The following PROKR1 variants were observed in gnomAD, a reference collection of about 807,000 sequenced individuals.
PROKR1 encodes the protein G protein-coupled receptor 73.
In PROKR1, 21 loss-of-function variants were observed where a neutral mutation model predicts 22.8. That is an observed-to-expected ratio of 0.92 (90% CI 0.65 to 1.32). PROKR1 has a LOEUF of 1.32. Among genes scored for constraint, PROKR1 ranks in the 40% most tolerant of loss-of-function variants. The pLI is 0.00. For synonymous variants in PROKR1, 193 were observed against 207.5 expected, an observed-to-expected ratio of 0.93 and a Z score of 0.60; for missense variants, 548 against 514.2, an observed-to-expected ratio of 1.07 and a Z score of -0.64.
At chr2:68,647,064 A>C (rs945038746) in intron 2 of PROKR1, among the ~76,000 whole-genome samples, 2 of 151,916 alleles carry the variant, frequency 1.3e-5, no homozygotes, top group African/African-American at 4.8e-5. Flanking sequence ...ATAAATAAAT[A>C]AATAAAAATA....
Position 68,654,901 on chromosome 2 carries a change from G to T in PROKR1, c.507G>T (p.Pro169=), listed in dbSNP as rs753964952. ...CTAGGTATCTGGCTATTGTCCATCC[G>T]CTGAGACCACGGATGAAGTGCCAAA... The part of the protein sequence containing the change: ...AIDRYLAIVH[P]LRPRMKCQTA... Residue 169 remains proline (P), a synonymous_variant, in exon 3 of 3, where the codon CCG becomes CCT. Transcript: ENST00000303786. 1.9e-6 allele frequency: 3 copies of T among 1,612,810 alleles called. No individual in the cohort carries two copies. The highest frequency in any genetic ancestry group is 2.7e-5 in the African/African-American group (2 of 74,716).
In PROKR1 at chr2:68,655,619, T is replaced by C. The variant is rs1673438617; in HGVS notation, c.*43T>C. 1.3e-6 allele frequency: 2 copies of C among 1,571,938 alleles called. No homozygotes were observed. The highest frequency in any genetic ancestry group is 1.7e-6 in the Non-Finnish European group (2 of 1,147,440). On this transcript the variant is annotated 3_prime_UTR_variant, in exon 3 of 3. Transcript: ENST00000303786. ...AGTTTAAACACAAAGCAGGGTCCTGTGGACACTGACTAGTGTGCTTGGATG... is the reference window on the plus strand; with the variant it reads ...AGTTTAAACACAAAGCAGGGTCCTGCGGACACTGACTAGTGTGCTTGGATG...
At position 68,653,808 on chromosome 2, in the gene PROKR1, T is replaced by C. The variant is rs1388901692; in HGVS notation, c.486-1072T>C. Reference sequence around the variant, plus strand: ...AGAAAGTGCTCTCTCTTTGTGTTCCTGGACCACTGTGGTAACAGCAATGTG... The same window carrying C: ...AGAAAGTGCTCTCTCTTTGTGTTCCCGGACCACTGTGGTAACAGCAATGTG... On this transcript the variant is annotated intron_variant, in intron 2 of 2. Coordinates refer to ENST00000303786, the MANE Select transcript of PROKR1 (RefSeq NM_138964.4). Among the ~76,000 whole-genome samples, 7 of 152,054 alleles carry C rather than the reference T, an allele frequency of 4.6e-5. No homozygotes were observed. In the East Asian group the frequency reaches 1.2e-3, roughly 25 times the overall value.
At chr2:68,652,082 T>C (rs2104190021) in intron 2 of PROKR1, among the ~76,000 whole-genome samples, 1 of 152,186 alleles carries the variant, frequency 6.6e-6, no homozygotes, top group South Asian at 2.1e-4. Flanking sequence ...AGGGGGTAAA[T>C]AGCATTCAGA....
intron 1 of PROKR1, among the ~76,000 whole-genome samples, chr2:68,644,616 G>A (rs114078464): frequency 0.011 from 1,708 of 152,242 alleles, 37 homozygotes; most frequent in African/African-American, 0.039. Context: ...GGGGTCCTGG[G>A]CATCTTCCTC....
chr2:68,646,915 G>T (rs377385595), intron 2 of PROKR1, among the ~76,000 whole-genome samples: 1 of 152,144 alleles, frequency 6.6e-6, no homozygotes, highest in East Asian at 1.9e-4. Flanking sequence ...GAGCGTGGTG[G>T]TGTGTGCCTG....
In PROKR1 at chr2:68,645,760, A is replaced by G. The variant is rs558886495; in HGVS notation, c.-62A>G. 1.1e-5 allele frequency: 18 copies of G among 1,613,116 alleles called. No individual in the cohort carries two copies. The East Asian group carries it at 3.6e-4, about 32-fold the overall frequency. ...GCTGATAGCAGAGAGGGGTGACATC[A>G]GCCTTGCAGACATTGCCCTGGGGAA... On this transcript the variant is annotated 5_prime_UTR_variant, in exon 2 of 3. Coordinates refer to ENST00000303786, the MANE Select transcript of PROKR1 (RefSeq NM_138964.4).
At chr2:68,653,337 T>C (rs1673375672) in intron 2 of PROKR1, among the ~76,000 whole-genome samples, 1 of 151,968 alleles carries the variant, frequency 6.6e-6, no homozygotes, top group Non-Finnish European at 1.5e-5. Flanking sequence ...AGCTGGAGCC[T>C]CACTCCTGTG....
In PROKR1 at chr2:68,654,971, A is replaced by G. The variant is rs747808824; in HGVS notation, c.577A>G (p.Ile193Val). ...IALVWTVSIL[I>V]AIPSAYFTTE... Reference sequence around the variant, plus strand: ...CTTGGTGTGGACGGTGTCCATCCTGATCGCCATCCCTTCCGCCTACTTCAC... The same window carrying G: ...CTTGGTGTGGACGGTGTCCATCCTGGTCGCCATCCCTTCCGCCTACTTCAC... Residue 193 changes from isoleucine to valine, a missense_variant, in exon 3 of 3, where the codon ATC becomes GTC. Ile to Val is a conservative substitution (Grantham distance 29, BLOSUM62 3). Transcript: ENST00000303786. 2 of 1,613,440 alleles carry G rather than the reference A, an allele frequency of 1.2e-6. No homozygotes were observed. The highest frequency in any genetic ancestry group is 1.7e-6 in the Non-Finnish European group (2 of 1,179,942).
intron 1 of PROKR1, among the ~76,000 whole-genome samples, chr2:68,644,559 T>C (rs1255832177): frequency 6.6e-6 from 1 of 152,158 alleles, no homozygotes; most frequent in Non-Finnish European, 1.5e-5. Flanking sequence ...CCAGATGTTT[T>C]GCCTCGGAGG....
rs1398515478 is a variant in PROKR1 at position 68,654,890 on chromosome 2, A to G, written c.496A>G (p.Ile166Val). The G allele has an allele frequency of 1.2e-6, 2 of 1,611,518 alleles. No homozygotes were observed. The highest frequency in any genetic ancestry group is 3.3e-5 in the Admixed American group (2 of 59,846). Reference protein sequence around the residue: ...LAIAIDRYLAIVHPLRPRMKC... With the variant: ...LAIAIDRYLAVVHPLRPRMKC... ...GTGTTCTTGCCCTAGGTATCTGGCTATTGTCCATCCGCTGAGACCACGGAT... is the reference window on the plus strand; with the variant it reads ...GTGTTCTTGCCCTAGGTATCTGGCTGTTGTCCATCCGCTGAGACCACGGAT... The change falls in exon 3 of 3, where the codon ATT (isoleucine) becomes GTT (valine). Residue 166 changes from isoleucine (I) to valine (V), a missense_variant. Transcript: ENST00000303786.
chr2:68,658,080 CTTTT>C lies in PROKR1; in HGVS notation c.*2506_*2509del, dbSNP rs1197027327. On this transcript the variant is annotated 3_prime_UTR_variant, in exon 3 of 3. Coordinates refer to ENST00000303786, the MANE Select transcript of PROKR1 (RefSeq NM_138964.4). The stretch of plus-strand genomic sequence containing the variant: ...AAGAGTTGATTGTATTAAACAGGAG[CTTTT>C]TATATGCGGCAACCAAAGCCCACTC... The C allele has an allele frequency of 6.6e-6, 1 of 152,154 alleles. No homozygotes were observed. The highest frequency in any genetic ancestry group is 1.5e-5 in the Non-Finnish European group (1 of 68,022). 9.4% of individuals were successfully genotyped at this position (152,154 alleles called of 1,614,324 possible). A position where few individuals can be genotyped will look rare whatever the true frequency, so the allele number is the denominator to read the frequency against.
chr2:68,643,899 C>A (rs1321246047), intron 1 of PROKR1, 51 bp downstream of exon 1: 3 of 152,384 alleles, frequency 2.0e-5, no homozygotes, highest in Non-Finnish European at 4.4e-5. Flanking sequence ...CCGCGCTGCA[C>A]TGGCTGCGGC....
chr2:68,656,591 A>G lies in PROKR1; in HGVS notation c.*1015A>G, dbSNP rs774879760. 3 of 152,104 alleles carry G rather than the reference A, an allele frequency of 2.0e-5. No homozygotes were observed. The highest frequency in any genetic ancestry group is 4.4e-5 in the Non-Finnish European group (3 of 68,016). The allele number at this position is 152,104 out of a possible 1,614,324, so 9.4% of individuals were successfully genotyped here. A position where few individuals can be genotyped will look rare whatever the true frequency, so the allele number is the denominator to read the frequency against. The stretch of plus-strand genomic sequence containing the variant: ...CATAGAATCTTTGAAAATGGACACA[A>G]TACCTCCTGGATGTGGCCTTCATTC... On this transcript the variant is annotated 3_prime_UTR_variant, in exon 3 of 3. Coordinates refer to ENST00000303786, the MANE Select transcript of PROKR1 (RefSeq NM_138964.4).
intron 2 of PROKR1, among the ~76,000 whole-genome samples, chr2:68,654,668 T>C (rs1450707668): frequency 1.3e-5 from 2 of 151,972 alleles, no homozygotes; most frequent in Admixed American, 1.3e-4. Flanking sequence ...TGTGGTGCAT[T>C]GCACCTCTAG....
rs1406494843 is a variant in PROKR1, at chr2:68,645,830, C to T, written c.9C>T (p.Thr3=). The change falls in exon 2 of 3, where the codon ACC becomes ACT. Residue 3 remains threonine, a synonymous_variant. Coordinates refer to ENST00000303786, the MANE Select transcript of PROKR1 (RefSeq NM_138964.4). ...CAGCACCACCTGGCCAGATGGAGAC[C>T]ACCATGGGGTTCATGGATGACAATG... The part of the protein sequence containing the change: ME[T]TMGFMDDNAT... 1 of 1,614,082 alleles carries T rather than the reference C, an allele frequency of 6.2e-7. No individual in the cohort carries two copies. The highest frequency in any genetic ancestry group is 8.5e-7 in the Non-Finnish European group (1 of 1,180,044).
chr2:68,645,419 T>G (rs1377887966), intron 1 of PROKR1, among the ~76,000 whole-genome samples: 2 of 152,240 alleles, frequency 1.3e-5, no homozygotes, highest in Non-Finnish European at 2.9e-5. Flanking sequence ...GCAACACTTC[T>G]GAGTCTTCAG....
chr2:68,657,709 T>G lies in PROKR1; in HGVS notation c.*2133T>G, dbSNP rs943833402. ...TACAAGGTTATTTAAGTGGCACCTG[T>G]ATGACATGTTCCCCTCCAAATATAG... On this transcript the variant is annotated 3_prime_UTR_variant, in exon 3 of 3. Coordinates refer to ENST00000303786, the MANE Select transcript of PROKR1 (RefSeq NM_138964.4). 1.3e-5 allele frequency: 2 copies of G among 152,198 alleles called. No homozygotes were observed. Among genetic ancestry groups the G allele is most frequent in the African/African-American group, 4.8e-5 (2 of 41,434 alleles). The allele number at this position is 152,198 out of a possible 1,614,324, so 9.4% of individuals were successfully genotyped here.
Position 68,655,927 on chromosome 2 carries a change from T to C in PROKR1, c.*351T>C. 1 of 367,536 alleles carries C rather than the reference T, an allele frequency of 2.7e-6. No individual in the cohort carries two copies. Among genetic ancestry groups the C allele is most frequent in the South Asian group, 2.3e-5 (1 of 43,770 alleles). The allele number at this position is 367,536 out of a possible 1,614,324, so 22.8% of individuals were successfully genotyped here. On this transcript the variant is annotated 3_prime_UTR_variant, in exon 3 of 3. Transcript: ENST00000303786. ...CCACAAAAGAACTGGAGTAGGTATC[T>C]AGGATTGCAGTACATGTGTTCGTAG...
Sources: allele counts gnomAD v4.1 joint callset (sites outside exome capture counted in the v4.1 genomes callset), GRCh38; gene constraint gnomAD v4.1.1; transcripts MANE v1.5; gene names NCBI Gene and HGNC (gene_info 2026-07-23, HGNC 2026-07-21).